Variants in ROCK1 observed in about 807,000 individuals in gnomAD.
The protein encoded by ROCK1 is rho-associated protein kinase 1.
In ROCK1, 36 loss-of-function variants were observed where a neutral mutation model predicts 196.8. The observed-to-expected ratio is 0.18, with a 90% CI of 0.14 to 0.24. The LOEUF (loss-of-function observed/expected upper bound fraction) is 0.24, where lower values mean the gene tolerates loss of function less well. Ranked by LOEUF, ROCK1 falls within the 10% of genes least tolerant of loss-of-function variation. ROCK1 has a pLI of 1.00. For synonymous variants in ROCK1, 443 were observed against 515.9 expected (o/e 0.86, Z 1.91); for missense variants, 920 against 1,562.0 (o/e 0.59, Z 6.93).
chr18:21,070,658 T>C (rs1568401186), intron 1 of ROCK1, 45 bp from the exon 2 acceptor site: 1 of 1,211,058 alleles, frequency 8.3e-7, no homozygotes, highest in Admixed American at 2.3e-5. Flanking sequence ...GATCACATTA[T>C]ACAGTCTCCT....
intron 14 of ROCK1, among the ~76,000 whole-genome samples, chr18:21,007,401 T>C (rs920326317): frequency 9.2e-5 from 14 of 152,196 alleles, no homozygotes; most frequent in Admixed American, 2.0e-4. Flanking sequence ...TATTCTACCA[T>C]ATAGATGTAC....
chr18:21,019,895 A>AT (rs1188227851), intron 12 of ROCK1, among the ~76,000 whole-genome samples: 2 of 151,634 alleles, frequency 1.3e-5, no homozygotes, highest in Non-Finnish European at 2.9e-5. Flanking sequence ...ATTTTCATGA[A>AT]TTAAAAAAAA....
intron 2 of ROCK1, among the ~76,000 whole-genome samples, chr18:21,058,962 T>C (rs376955783): frequency 5.9e-5 from 9 of 152,122 alleles, no homozygotes; most frequent in Non-Finnish European, 1.2e-4. Context: ...TTTGACTGCA[T>C]AGGCACATAG....
chr18:21,085,822 C>CA (rs1356642814), intron 1 of ROCK1, among the ~76,000 whole-genome samples: 1 of 152,186 alleles, frequency 6.6e-6, no homozygotes, highest in African/African-American at 2.4e-5. Flanking sequence ...AACAACCACA[C>CA]AGGACTGTTT....
rs764515117 is a variant in ROCK1, at chr18:20,968,758, G to A, written c.3003+14C>T. On this transcript the variant is annotated intron_variant, in intron 25 of 32. Transcript: ENST00000399799. The stretch of plus-strand genomic sequence containing the variant: ...CAAAAATGAACATGTGGAAAAGATC[G>A]AAAGCATGTATACCTGTGTTTTAAG... 14 of 1,496,550 alleles carry A rather than the reference G, an allele frequency of 9.4e-6. No individual in the cohort carries two copies. In the Admixed American group the frequency reaches 1.2e-4, roughly 13 times the overall value. The allele number at this position is 1,496,550 out of a possible 1,614,324, so 92.7% of individuals were successfully genotyped here.
In ROCK1 at chr18:20,955,392, A is replaced by C. The variant is rs1353074148; in HGVS notation, c.3513-147T>G. On this transcript the variant is annotated intron_variant, in intron 29 of 32. Transcript: ENST00000399799. ...TAGAGAAATGCAAATTAAAACCACA[A>C]TAAGTGTCACTACACATCTATCAGA... 3.0e-5 allele frequency: 29 copies of C among 982,324 alleles called. No homozygotes were observed. In the Admixed American group the frequency reaches 4.0e-4, roughly 13 times the overall value. 60.9% of individuals were successfully genotyped at this position (982,324 alleles called of 1,614,324 possible).
chr18:20,975,944 G>T (rs2143375918), intron 22 of ROCK1, among the ~76,000 whole-genome samples: 1 of 152,188 alleles, frequency 6.6e-6, no homozygotes, highest in South Asian at 2.1e-4. Flanking sequence ...TTCTCTTTCT[G>T]GAAATATTCT....
At chr18:21,016,451 T>A (rs1365200894) in intron 12 of ROCK1, among the ~76,000 whole-genome samples, 2 of 152,092 alleles carry the variant, frequency 1.3e-5, no homozygotes, top group East Asian at 3.9e-4. Flanking sequence ...AAGAGAAAGG[T>A]AGTATATATC....
At chr18:21,007,811 A>T (rs2035781310) in intron 14 of ROCK1, among the ~76,000 whole-genome samples, 1 of 152,194 alleles carries the variant, frequency 6.6e-6, no homozygotes, top group Admixed American at 6.5e-5. Context: ...AGGAGATTCC[A>T]GTATGCACAC....
At chr18:21,102,920 C>T (rs1450221771) in intron 1 of ROCK1, among the ~76,000 whole-genome samples, 2 of 151,520 alleles carry the variant, frequency 1.3e-5, no homozygotes, top group African/African-American at 4.9e-5. Context: ...CAATTTCTTG[C>T]CAAAAATCTG....
At chr18:20,996,585 T>C (rs910125752) in intron 16 of ROCK1, among the ~76,000 whole-genome samples, 2 of 151,944 alleles carry the variant, frequency 1.3e-5, no homozygotes, top group African/African-American at 4.8e-5. Flanking sequence ...GGTTCAGAGG[T>C]CTGACTCAGC....
intron 25 of ROCK1, 172 bp downstream of exon 25, chr18:20,968,600 C>A (rs2035396697): frequency 1.8e-6 from 1 of 560,956 alleles, no homozygotes; most frequent in Admixed American, 3.5e-5. Flanking sequence ...GCCACCGCGC[C>A]TGGCCTTGAA....
At chr18:21,008,941 C>A (rs780003939) in intron 13 of ROCK1, among the ~76,000 whole-genome samples, 1 of 151,918 alleles carries the variant, frequency 6.6e-6, no homozygotes, top group Non-Finnish European at 1.5e-5. Flanking sequence ...GTGTATGATT[C>A]TCTCATTTTA....
intron 1 of ROCK1, among the ~76,000 whole-genome samples, chr18:21,105,231 T>C (rs545982591): frequency 1.5e-4 from 23 of 152,332 alleles, no homozygotes; most frequent in African/African-American, 5.1e-4. Context: ...AGCAAATACA[T>C]GTCAGAGCCT....
chr18:20,951,108 G>GGCA lies in ROCK1; in HGVS notation c.*273_*275dup, dbSNP rs1314915071. The stretch of plus-strand genomic sequence containing the variant: ...AGGCATTTTCTTATAAATCCAAAAA[G>GGCA]GCAGCACCTTTTAAAAAAAATATAT... On this transcript the variant is annotated 3_prime_UTR_variant, in exon 33 of 33. Coordinates refer to ENST00000399799, the MANE Select transcript of ROCK1 (RefSeq NM_005406.3). The GGCA allele has an allele frequency of 3.1e-6, 1 of 324,298 alleles. No individual in the cohort carries two copies. Among genetic ancestry groups the GGCA allele is most frequent in the Non-Finnish European group, 5.7e-6 (1 of 176,666 alleles). The allele number at this position is 324,298 out of a possible 1,614,324, so 20.1% of individuals were successfully genotyped here.
intron 29 of ROCK1, among the ~76,000 whole-genome samples, chr18:20,958,680 C>T (rs1215060356): frequency 6.6e-6 from 1 of 150,414 alleles, no homozygotes; most frequent in Non-Finnish European, 1.5e-5. Flanking sequence ...ATATCAAAGT[C>T]CAAGTATGCT....
At chr18:21,033,184 A>C (rs1180418930) in intron 9 of ROCK1, among the ~76,000 whole-genome samples, 1 of 152,102 alleles carries the variant, frequency 6.6e-6, no homozygotes, top group Non-Finnish European at 1.5e-5. Context: ...GCAACAGAGC[A>C]AGACCTTATC....
intron 1 of ROCK1, among the ~76,000 whole-genome samples, chr18:21,108,877 T>A (rs2036725618): frequency 1.3e-5 from 2 of 152,186 alleles, no homozygotes; most frequent in South Asian, 4.1e-4. Context: ...GCCACAACAG[T>A]GTAAAGGCAA....
Position 20,986,949 on chromosome 18 carries a change from C to T in ROCK1, c.2304+1G>A, listed in dbSNP as rs1265124411. The T allele has an allele frequency of 6.3e-7, 1 of 1,585,760 alleles. No homozygotes were observed. Among genetic ancestry groups the T allele is most frequent in the Non-Finnish European group, 8.5e-7 (1 of 1,171,054 alleles). On this transcript the variant is annotated splice_donor_variant, in intron 19 of 32. Coordinates refer to ENST00000399799, the MANE Select transcript of ROCK1 (RefSeq NM_005406.3). LOFTEE classifies it high-confidence loss of function. Reference sequence around the variant, plus strand: ...AACAAAGTCAGTACTATTTTTCTTACTTCATCCTCCATCCTTTCTTTATTT... The same window carrying T: ...AACAAAGTCAGTACTATTTTTCTTATTTCATCCTCCATCCTTTCTTTATTT...
Sources: gnomAD v4.1 joint callset for allele counts (sites outside exome capture counted in the v4.1 genomes callset) on GRCh38, gnomAD v4.1.1 for gene constraint, MANE v1.5 for transcripts, NCBI Gene and HGNC (gene_info 2026-07-23, HGNC 2026-07-21) for gene names.